DIAPH2: variants seen among roughly 807,000 people sequenced by gnomAD.
DIAPH2 encodes the protein protein diaphanous homolog 2.
A neutral mutation model predicts 92.7 loss-of-function variants in DIAPH2; 35 were observed. That is an observed-to-expected ratio of 0.38 (90% CI 0.29 to 0.50). DIAPH2 has a LOEUF of 0.50. DIAPH2 is among the 20% of genes least tolerant of loss of function. The probability of loss-of-function intolerance (pLI) is 0.94; values close to 1 mark genes in which losing one functional copy is unlikely to be tolerated. For synonymous variants in DIAPH2, 301 were observed against 280.4 expected, an observed-to-expected ratio of 1.07 and a Z score of -0.73; for missense variants, 701 against 819.5, an observed-to-expected ratio of 0.86 and a Z score of 1.77.
intron 23 of DIAPH2, among the ~76,000 whole-genome samples, chrX:97,273,931 G>A (rs1295437635): frequency 9.1e-6 from 1 of 109,557 alleles, no homozygotes; most frequent in Non-Finnish European, 1.9e-5. Flanking sequence ...AGTAGAAGTG[G>A]TCATCATCAT....
At chrX:97,175,051 C>T (rs1253949272) in intron 22 of DIAPH2, among the ~76,000 whole-genome samples, 1 of 111,606 alleles carries the variant, frequency 9.0e-6, no homozygotes. Flanking sequence ...TTATAATTAC[C>T]ATAATCACAG....
chrX:97,005,623 T>C (rs1379646445), intron 17 of DIAPH2, among the ~76,000 whole-genome samples: 1 of 111,243 alleles, frequency 9.0e-6, no homozygotes, highest in Non-Finnish European at 1.9e-5. Context: ...CACTGCAAGC[T>C]CCGCCTCCCG....
chrX:97,269,018 G>A (rs1211481002), intron 23 of DIAPH2, among the ~76,000 whole-genome samples: 3 of 109,337 alleles, frequency 2.7e-5, no homozygotes, highest in African/African-American at 6.7e-5. Flanking sequence ...CACCACGCCC[G>A]GCTAATTTTT....
At chrX:97,259,660 G>A (rs146986479) in intron 23 of DIAPH2, among the ~76,000 whole-genome samples, 163 of 111,785 alleles carry the variant, frequency 1.5e-3, no homozygotes, top group African/African-American at 4.8e-3. Context: ...GTGTCTGATG[G>A]GGCAAATGGT....
chrX:96,758,249 T>C lies in DIAPH2; in HGVS notation c.438T>C (p.Thr146=), dbSNP rs768494353. Residue 146 remains threonine, a synonymous_variant, in exon 4 of 27, where the codon ACT becomes ACC. Transcript: ENST00000324765. ...TGGTTGTCCAGTATATTTCTGCCACTGCCAAATCTGTAAGTAGGGAGATTT... is the reference window on the plus strand; with the variant it reads ...TGGTTGTCCAGTATATTTCTGCCACCGCCAAATCTGTAAGTAGGGAGATTT... ...REMVVQYISA[T]AKSGGLKNSK... 1.7e-6 allele frequency: 2 copies of C among 1,200,055 alleles called. No individual in the cohort carries two copies. The highest frequency in any genetic ancestry group is 2.2e-6 in the Non-Finnish European group (2 of 890,795).
chrX:97,195,387 G>A lies in DIAPH2; in HGVS notation c.2720-52328G>A, dbSNP rs755493590. On this transcript the variant is annotated intron_variant, in intron 22 of 26. Transcript: ENST00000324765. ...TAAAAGTGGATAGATTAGGCCAGGC[G>A]CAGTGGCTCATGCCTGTAATCCCAG... 1.3e-4 allele frequency among the ~76,000 whole-genome samples: 14 copies of A among 111,417 alleles called. No homozygotes were observed. The South Asian group carries it at 4.1e-3, about 33-fold the overall frequency.
At chrX:97,443,012 C>G (rs1302336479) in intron 26 of DIAPH2, among the ~76,000 whole-genome samples, 2 of 111,079 alleles carry the variant, frequency 1.8e-5, no homozygotes, top group Non-Finnish European at 3.8e-5. Flanking sequence ...CCCCTCAACC[C>G]CACCCCCAGC....
intron 26 of DIAPH2, chrX:97,528,698 T>C (rs2071039636): frequency 8.9e-6 from 1 of 111,858 alleles, no homozygotes; most frequent in Non-Finnish European, 1.9e-5. Context: ...ACATTGGGGA[T>C]CAAATTTCAA....
intron 19 of DIAPH2, among the ~76,000 whole-genome samples, chrX:97,093,027 G>GT (rs2066837295): frequency 1.1e-5 from 1 of 92,145 alleles, no homozygotes; most frequent in African/African-American, 3.4e-5. Flanking sequence ...ACTATAAAGA[G>GT]TTTTTTAAAA....
At chrX:96,960,605 G>A (rs1373631686) in intron 16 of DIAPH2, among the ~76,000 whole-genome samples, 1 of 111,127 alleles carries the variant, frequency 9.0e-6, no homozygotes, top group Non-Finnish European at 1.9e-5. Flanking sequence ...TTGCTTGACT[G>A]ATGGCTCTGG....
chrX:97,185,311 A>ATATATATGTG (rs2067572768), intron 22 of DIAPH2, among the ~76,000 whole-genome samples: 1 of 49,784 alleles, frequency 2.0e-5, no homozygotes, highest in African/African-American at 1.1e-4. Context: ...AAAAAAATAT[A>ATATATATGTG]TATATATATA....
chrX:97,312,584 A>G (rs1409250790), intron 23 of DIAPH2, among the ~76,000 whole-genome samples: 1 of 110,494 alleles, frequency 9.1e-6, no homozygotes, highest in Admixed American at 9.7e-5. Flanking sequence ...TCCTGATCTC[A>G]GGTGATCTGC....
At chrX:97,443,590 T>C (rs2070281234) in intron 26 of DIAPH2, among the ~76,000 whole-genome samples, 2 of 112,129 alleles carry the variant, frequency 1.8e-5, no homozygotes, top group African/African-American at 6.5e-5. Context: ...AATTGTATTC[T>C]ACATCACTGT....
At chrX:97,473,084 A>G (rs2070576071) in intron 26 of DIAPH2, among the ~76,000 whole-genome samples, 1 of 110,709 alleles carries the variant, frequency 9.0e-6, no homozygotes, top group African/African-American at 3.3e-5. Context: ...TCATGCCTTG[A>G]CTCTTTTAGC....
At chrX:97,276,993 C>G (rs1203959358) in intron 23 of DIAPH2, among the ~76,000 whole-genome samples, 2 of 112,327 alleles carry the variant, frequency 1.8e-5, no homozygotes, top group African/African-American at 6.5e-5. Flanking sequence ...ATGTTAGATA[C>G]TTTATCATGT....
At chrX:97,491,075 T>C (rs183034012) in intron 26 of DIAPH2, among the ~76,000 whole-genome samples, 17 of 112,142 alleles carry the variant, frequency 1.5e-4, no homozygotes, top group African/African-American at 5.5e-4. Flanking sequence ...TTACTTTGTA[T>C]ATTTAGATGC....
At chrX:97,166,480 C>A (rs1661858583) in intron 22 of DIAPH2, among the ~76,000 whole-genome samples, 1 of 111,289 alleles carries the variant, frequency 9.0e-6, no homozygotes, top group African/African-American at 3.3e-5. Flanking sequence ...CATAAATGGG[C>A]AAATGAAAAT....
intron 24 of DIAPH2, among the ~76,000 whole-genome samples, chrX:97,351,376 TTCTC>T (rs2069210847): frequency 8.9e-6 from 1 of 112,293 alleles, no homozygotes; most frequent in South Asian, 3.7e-4. Flanking sequence ...AGAGAATGGT[TTCTC>T]TCTATCCATG....
At chrX:97,212,590 G>GTTTTTT (rs57173350) in intron 22 of DIAPH2, among the ~76,000 whole-genome samples, 8 of 67,835 alleles carry the variant, frequency 1.2e-4, no homozygotes, top group Non-Finnish European at 2.2e-4. Context: ...AGGGTTTTTT[G>GTTTTTT]TTTTTTTTTT....
Sources: allele counts gnomAD v4.1 joint callset (sites outside exome capture counted in the v4.1 genomes callset), GRCh38; gene constraint gnomAD v4.1.1; transcripts MANE v1.5; gene names NCBI Gene and HGNC (gene_info 2026-07-23, HGNC 2026-07-21).